The following PIK3C3 variants were observed in gnomAD, a reference collection of about 807,000 sequenced individuals.
PIK3C3 encodes the protein phosphatidylinositol 3-kinase catalytic subunit type 3, also known as PI3-kinase type 3.
Under a neutral mutation model 126.1 loss-of-function variants are expected in PIK3C3, and 95 were observed. That is an observed-to-expected ratio of 0.75 (90% confidence interval 0.64 to 0.89). PIK3C3 has a LOEUF of 0.89. Among genes scored for constraint, PIK3C3 ranks in the 40% least tolerant of loss-of-function variants. PIK3C3 has a pLI of 0.00. For synonymous variants in PIK3C3, 374 were observed against 360.0 expected (o/e 1.04, Z -0.44); for missense variants, 829 against 1,063.2 (o/e 0.78, Z 3.06).
At chr18:41,979,373 C>A (rs1239010602) in intron 4 of PIK3C3, among the ~76,000 whole-genome samples, 1 of 152,056 alleles carries the variant, frequency 6.6e-6, no homozygotes, top group Non-Finnish European at 1.5e-5. Flanking sequence ...GCATTTTTCC[C>A]GCTAGAGATG....
intron 11 of PIK3C3, among the ~76,000 whole-genome samples, chr18:42,014,917 A>G (rs1350650047): frequency 6.6e-6 from 1 of 151,876 alleles, no homozygotes; most frequent in African/African-American, 2.4e-5. Flanking sequence ...ATCTCACTCT[A>G]TATTGGAGGT....
At chr18:42,007,225 T>G (rs1598889569) in intron 10 of PIK3C3, among the ~76,000 whole-genome samples, 1 of 152,200 alleles carries the variant, frequency 6.6e-6, no homozygotes, top group Non-Finnish European at 1.5e-5. Context: ...CCAAAAGATA[T>G]CTGCTTTTTA....
rs1375745783 is a variant in PIK3C3 at position 42,083,835 on chromosome 18, C to G, written c.*2698C>G. On this transcript the variant is annotated 3_prime_UTR_variant, in exon 25 of 25. Coordinates refer to ENST00000262039, the MANE Select transcript of PIK3C3 (RefSeq NM_002647.4). ...TGAAGTCGAGTTAGACCCCAGTGATCACAGTCTTGACGATTAAATTCTTCC... is the reference window on the plus strand; with the variant it reads ...TGAAGTCGAGTTAGACCCCAGTGATGACAGTCTTGACGATTAAATTCTTCC... The G allele has an allele frequency of 6.6e-6, 1 of 152,194 alleles. No homozygotes were observed. Among genetic ancestry groups the G allele is most frequent in the Non-Finnish European group, 1.5e-5 (1 of 68,052 alleles). The allele number at this position is 152,194 out of a possible 1,614,324, so 9.4% of individuals were successfully genotyped here. A position where few individuals can be genotyped will look rare whatever the true frequency, so the allele number is the denominator to read the frequency against.
At chr18:42,053,354 A>C (rs919844522) in intron 21 of PIK3C3, among the ~76,000 whole-genome samples, 2 of 152,138 alleles carry the variant, frequency 1.3e-5, no homozygotes. Context: ...GCTTGGTTGA[A>C]GTTTACTCAG....
intron 20 of PIK3C3, among the ~76,000 whole-genome samples, chr18:42,045,565 A>G (rs114364970): frequency 0.015 from 2,355 of 152,310 alleles, 56 homozygotes; most frequent in African/African-American, 0.053. Flanking sequence ...CCAAGAGCAA[A>G]TATTCAGACA....
At chr18:41,966,009 A>T (rs1470167332) in intron 3 of PIK3C3, among the ~76,000 whole-genome samples, 1 of 151,840 alleles carries the variant, frequency 6.6e-6, no homozygotes, top group African/African-American at 2.4e-5. Context: ...GTCATCCTAC[A>T]CTCCTTCATG....
At chr18:41,990,428 C>T in intron 5 of PIK3C3, 31 bp from the exon 6 acceptor site, 2 of 1,234,320 alleles carry the variant, frequency 1.6e-6, no homozygotes. Flanking sequence ...TGAAAATAAT[C>T]ATTTTTCATG....
chr18:42,020,098 C>T (rs1380812036), intron 12 of PIK3C3, among the ~76,000 whole-genome samples: 4 of 152,146 alleles, frequency 2.6e-5, no homozygotes, highest in Non-Finnish European at 5.9e-5. Flanking sequence ...ATGTAAATCA[C>T]ATCATCTCAC....
chr18:41,961,660 T>G (rs2144293337), intron 2 of PIK3C3, among the ~76,000 whole-genome samples: 1 of 152,326 alleles, frequency 6.6e-6, no homozygotes, highest in Admixed American at 6.5e-5. Context: ...AATAGAATTC[T>G]ATGTGTCTGC....
At chr18:41,960,178 T>C (rs1377525996) in intron 2 of PIK3C3, among the ~76,000 whole-genome samples, 7 of 152,200 alleles carry the variant, frequency 4.6e-5, no homozygotes, top group Admixed American at 4.6e-4. Context: ...TTCAAGTCTA[T>C]CATATCATGT....
At chr18:41,988,668 T>A (rs1339793736) in intron 5 of PIK3C3, among the ~76,000 whole-genome samples, 1 of 152,188 alleles carries the variant, frequency 6.6e-6, no homozygotes, top group African/African-American at 2.4e-5. Context: ...AATTTTACAG[T>A]GAACTATTAC....
Position 41,962,569 on chromosome 18 carries a change from T to C in PIK3C3, c.338T>C (p.Val113Ala). ...CAAGTGGCCCTCACCATATGGGATG[T>C]GTATGGTCCCGGAAAAGCAGTGCCT... ...NAQVALTIWD[V>A]YGPGKAVPVG... is the part of the protein sequence containing the mutation. Residue 113 changes from valine (V) to alanine (A), a missense_variant, in exon 3 of 25, where the codon GTG becomes GCG. Physicochemically the swap from Val to Ala is moderately conservative, Grantham distance 64. Transcript: ENST00000262039. 1 of 1,613,592 alleles carries C rather than the reference T, an allele frequency of 6.2e-7. No individual in the cohort carries two copies. The highest frequency in any genetic ancestry group is 8.5e-7 in the Non-Finnish European group (1 of 1,179,592).
chr18:42,013,435 T>C lies in PIK3C3; in HGVS notation c.1171-7T>C, dbSNP rs539850255. On this transcript the variant is annotated splice_region_variant and splice_polypyrimidine_tract_variant and intron_variant, in intron 10 of 24. Coordinates refer to ENST00000262039, the MANE Select transcript of PIK3C3 (RefSeq NM_002647.4). ...CTAATATTACTTTACTTTTTTTTGTTTTCCAGGATTTGTTGATGTACCTAT... is the reference window on the plus strand; with the variant it reads ...CTAATATTACTTTACTTTTTTTTGTCTTCCAGGATTTGTTGATGTACCTAT... The C allele has an allele frequency of 9.0e-5, 133 of 1,475,854 alleles. 2 individuals are homozygous for C. The South Asian group carries it at 1.7e-3, about 19-fold the overall frequency. 91.4% of individuals were successfully genotyped at this position (1,475,854 alleles called of 1,614,324 possible).
At chr18:41,999,592 G>A (rs920075342) in intron 9 of PIK3C3, among the ~76,000 whole-genome samples, 34 of 152,148 alleles carry the variant, frequency 2.2e-4, no homozygotes, top group Non-Finnish European at 2.9e-5. Context: ...CATTATATAA[G>A]ACTATGAGCT....
rs755376574 is a variant in PIK3C3, at chr18:42,064,704, A to G, written c.2433-36A>G. On this transcript the variant is annotated intron_variant, in intron 22 of 24. Coordinates refer to ENST00000262039, the MANE Select transcript of PIK3C3 (RefSeq NM_002647.4). ...ATGAGAAAGAAATGCAGAATTCTTAATCGTTGCTATTTTTTTCTTTTCTGC... is the reference window on the plus strand; with the variant it reads ...ATGAGAAAGAAATGCAGAATTCTTAGTCGTTGCTATTTTTTTCTTTTCTGC... 8 of 964,620 alleles carry G rather than the reference A, an allele frequency of 8.3e-6. No individual in the cohort carries two copies. In the Admixed American group the frequency reaches 1.4e-4, roughly 17 times the overall value. 59.8% of individuals were successfully genotyped at this position (964,620 alleles called of 1,614,324 possible). A position where few individuals can be genotyped will look rare whatever the true frequency, so the allele number is the denominator to read the frequency against.
At chr18:41,997,551 C>T (rs965986809) in intron 9 of PIK3C3, among the ~76,000 whole-genome samples, 3 of 152,112 alleles carry the variant, frequency 2.0e-5, no homozygotes, top group South Asian at 4.1e-4. Context: ...TGATTGTGAA[C>T]TTTGTCTCCT....
chr18:41,979,234 A>G (rs1378145060), intron 4 of PIK3C3, among the ~76,000 whole-genome samples: 1 of 152,054 alleles, frequency 6.6e-6, no homozygotes, highest in African/African-American at 2.4e-5. Flanking sequence ...TCCACATGTG[A>G]TTTATGATGA....
At chr18:42,004,214 A>G (rs1242857845) in intron 9 of PIK3C3, 142 bp from the exon 10 acceptor site, 3 of 617,396 alleles carry the variant, frequency 4.9e-6, no homozygotes, top group African/African-American at 3.7e-5. Flanking sequence ...GATCATATAT[A>G]TAACTTCATT....
intron 3 of PIK3C3, among the ~76,000 whole-genome samples, chr18:41,965,279 C>T (rs952713918): frequency 2.0e-5 from 3 of 152,178 alleles, no homozygotes; most frequent in Non-Finnish European, 2.9e-5. Flanking sequence ...AAAACACCTG[C>T]GTTAGTACTC....
Sources: gnomAD v4.1 joint callset for allele counts (sites outside exome capture counted in the v4.1 genomes callset) on GRCh38, gnomAD v4.1.1 for gene constraint, MANE v1.5 for transcripts, NCBI Gene and HGNC (gene_info 2026-07-23, HGNC 2026-07-21) for gene names.